AZIN2: variants seen among roughly 807,000 people sequenced by gnomAD.
The protein encoded by AZIN2 is antizyme inhibitor 2.
A neutral mutation model predicts 47.8 loss-of-function variants in AZIN2; 28 were observed. That is an observed-to-expected ratio of 0.59 (90% CI 0.43 to 0.80). AZIN2 has a LOEUF of 0.80. AZIN2 is among the 30% of genes least tolerant of loss of function. The pLI is 0.00. For missense variants in AZIN2, 535 were observed against 582.5 expected (o/e 0.92, Z 0.84); for synonymous variants, 221 against 239.4 (o/e 0.92, Z 0.71).
At chr1:33,093,104 A>T in intron 6 of AZIN2, 178 bp from the exon 7 acceptor site, 1 of 756,574 alleles carries the variant, frequency 1.3e-6, no homozygotes, top group Non-Finnish European at 2.1e-6. Flanking sequence ...AGGGACATTT[A>T]GAGAATGGAT....
chr1:33,120,142 T>C lies in AZIN2; in HGVS notation c.1343T>C (p.Leu448Pro). The C allele has an allele frequency of 6.2e-7, 1 of 1,613,660 alleles. No homozygotes were observed. Among genetic ancestry groups the C allele is most frequent in the Non-Finnish European group, 8.5e-7 (1 of 1,179,638 alleles). Reference sequence around the variant, plus strand: ...TGCGGCTGGGAGATCACAGACACCCTGTGCGTGGGCCCTGTCTTCACCCCA... The same window carrying C: ...TGCGGCTGGGAGATCACAGACACCCCGTGCGTGGGCCCTGTCTTCACCCCA... ...LSCGWEITDT[L>P]CVGPVFTPAS... Residue 448 changes from leucine to proline, a missense_variant, in exon 12 of 12, where the codon CTG (leucine) becomes CCG (proline). By Grantham distance (98) the Leu-to-Pro change is moderately conservative (BLOSUM62 -3). This residue lies in a region of AZIN2 where 122 missense variants were observed against 135.8 expected (regional missense o/e 0.90). Coordinates refer to ENST00000294517, the MANE Select transcript of AZIN2 (RefSeq NM_052998.4).
rs749390835 is a variant in AZIN2, at chr1:33,113,850, C to T, written c.1030-4052C>T. On this transcript the variant is annotated intron_variant, in intron 10 of 11. Transcript: ENST00000294517. This position sits in a 1 kb window ranked among gnomAD's most constrained non-coding sequence, Gnocchi z 4.1. ...TAGTTTTAATAAAGAATAGATGCTACGGGCTACTTCATGGTATGTTGACAT... is the reference window on the plus strand; with the variant it reads ...TAGTTTTAATAAAGAATAGATGCTATGGGCTACTTCATGGTATGTTGACAT... Among the ~76,000 whole-genome samples the T allele has an allele frequency of 9.9e-5, 15 of 152,134 alleles. No homozygotes were observed. The highest frequency in any genetic ancestry group is 2.4e-4 in the African/African-American group (10 of 41,438).
At chr1:33,165,177 G>A in the AZIN2 span, 3 of 293,660 alleles carry the variant, frequency 1.0e-5, no homozygotes, top group Non-Finnish European at 1.9e-5. The surrounding 1 kb of genome is among the most constrained non-coding windows in gnomAD (Gnocchi z 4.0). Flanking sequence ...GGAGGGTCCC[G>A]GGACCCGCCT....
At chr1:33,092,301 G>A in intron 6 of AZIN2, 79 bp downstream of exon 6, 1 of 1,481,746 alleles carries the variant, frequency 6.7e-7, no homozygotes. Context: ...GGGGAGGCTG[G>A]GCTGTGGGGA....
chr1:33,136,824 C>T, the AZIN2 span, among the ~76,000 whole-genome samples: 1 of 151,678 alleles, frequency 6.6e-6, no homozygotes, highest in African/African-American at 2.4e-5. Flanking sequence ...TGGTGAAACC[C>T]TGTCTCTACT....
chr1:33,136,304 C>T, the AZIN2 span, among the ~76,000 whole-genome samples: 72 of 127,998 alleles, frequency 5.6e-4, 1 homozygote, highest in Non-Finnish European at 8.0e-4. Context: ...CTTTCTTTTT[C>T]TTTCTTTCTT....
intron 11 of AZIN2, 75 bp from the exon 12 acceptor site, chr1:33,119,969 T>G (rs1570239914): frequency 6.3e-7 from 1 of 1,595,290 alleles, no homozygotes; most frequent in Non-Finnish European, 8.5e-7. Flanking sequence ...CTCTGCCCAA[T>G]GGGGCTGCGT....
chr1:33,147,784 A>G, the AZIN2 span: 2 of 1,555,552 alleles, frequency 1.3e-6, no homozygotes, highest in South Asian at 2.4e-5. The surrounding 1 kb of genome is among the most constrained non-coding windows in gnomAD (Gnocchi z 8.1). Context: ...TGGACCCACC[A>G]TGCAGTGCCT....
At chr1:33,139,054 G>A in the AZIN2 span, among the ~76,000 whole-genome samples, 17 of 152,336 alleles carry the variant, frequency 1.1e-4, no homozygotes, top group South Asian at 3.5e-3. Flanking sequence ...TGGGACTGGG[G>A]AAGAAGGAGA....
At chr1:33,136,201 C>T in the AZIN2 span, among the ~76,000 whole-genome samples, 2 of 144,370 alleles carry the variant, frequency 1.4e-5, no homozygotes, top group Admixed American at 7.0e-5. Flanking sequence ...CCTCCATTCT[C>T]CCTTTCTCCC....
chr1:33,092,332 G>A (rs1642647019), intron 6 of AZIN2, 110 bp downstream of exon 6: 1 of 957,328 alleles, frequency 1.0e-6, no homozygotes, highest in South Asian at 2.1e-5. Context: ...AGGGAAGGCT[G>A]GGCTTCAGAG....
chr1:33,098,233 C>T, intron 10 of AZIN2, 54 bp downstream of exon 10: 4 of 1,294,152 alleles, frequency 3.1e-6, no homozygotes, highest in African/African-American at 1.5e-5. Flanking sequence ...ATTTCAATAA[C>T]ATTTGTTGTG....
the AZIN2 span, chr1:33,147,457 C>T: frequency 6.2e-7 from 1 of 1,614,020 alleles, no homozygotes; most frequent in Non-Finnish European, 8.5e-7. The surrounding 1 kb of genome is among the most constrained non-coding windows in gnomAD (Gnocchi z 8.1). Context: ...GAAGCCGCGG[C>T]TGGGCTGGAT....
At chr1:33,088,601 C>T (rs1466052840) in intron 5 of AZIN2, among the ~76,000 whole-genome samples, 3 of 152,228 alleles carry the variant, frequency 2.0e-5, no homozygotes, top group Admixed American at 6.5e-5. Context: ...CTCTGCCCCT[C>T]TCCCTCTGAC....
Position 33,096,824 on chromosome 1 carries a change from A to G in AZIN2, c.871A>G (p.Ile291Val), listed in dbSNP as rs1156699702. The stretch of plus-strand genomic sequence containing the variant: ...CTCGGCCTTCACTGTGGCAGTCAGC[A>G]TCATTGCCAAGAAGGAGGTTCTGCT... ...VTSAFTVAVS[I>V]IAKKEVLLDQ... Residue 291 changes from isoleucine (I) to valine (V), a missense_variant, in exon 9 of 12, where the codon ATC becomes GTC. Coordinates refer to ENST00000294517, the MANE Select transcript of AZIN2 (RefSeq NM_052998.4). 2 of 1,614,210 alleles carry G rather than the reference A, an allele frequency of 1.2e-6. No individual in the cohort carries two copies. Among genetic ancestry groups the G allele is most frequent in the African/African-American group, 1.3e-5 (1 of 75,036 alleles).
Position 33,082,462 on chromosome 1 carries a change from G to A in AZIN2, c.105+108G>A, listed in dbSNP as rs558070411. Reference sequence around the variant, plus strand: ...TCTTATCCTTTCGCTTATTTGGTACGCAATCCTTGCTATTTGCAAGAGAGG... The same window carrying A: ...TCTTATCCTTTCGCTTATTTGGTACACAATCCTTGCTATTTGCAAGAGAGG... On this transcript the variant is annotated intron_variant, in intron 4 of 11. Transcript: ENST00000294517. 5.6e-5 allele frequency: 41 copies of A among 734,610 alleles called. No individual in the cohort carries two copies. In the South Asian group the frequency reaches 6.7e-4, roughly 12 times the overall value. The allele number at this position is 734,610 out of a possible 1,614,324, so 45.5% of individuals were successfully genotyped here. A position where few individuals can be genotyped will look rare whatever the true frequency, so the allele number is the denominator to read the frequency against.
intron 10 of AZIN2, among the ~76,000 whole-genome samples, chr1:33,099,821 G>A (rs1643522296): frequency 6.6e-6 from 1 of 152,236 alleles, no homozygotes; most frequent in Non-Finnish European, 1.5e-5. Flanking sequence ...CAGCCTGGCG[G>A]TGGAATAAGA....
At chr1:33,100,225 G>T (rs1357572924) in intron 10 of AZIN2, among the ~76,000 whole-genome samples, 10 of 151,880 alleles carry the variant, frequency 6.6e-5, no homozygotes. Flanking sequence ...GGAGGCTAAG[G>T]CAGGAGAGTA....
At chr1:33,150,326 G>A in the AZIN2 span, among the ~76,000 whole-genome samples, 3 of 152,218 alleles carry the variant, frequency 2.0e-5, no homozygotes, top group South Asian at 2.1e-4. Flanking sequence ...TGGCTGCACT[G>A]ATGTGCAGAA....
Sources: gnomAD v4.1 joint callset for allele counts (sites outside exome capture counted in the v4.1 genomes callset) on GRCh38, gnomAD v4.1.1 for gene constraint, gnomAD v4.1.1 regional missense constraint, Gnocchi (gnomAD v3.1) non-coding constraint, MANE v1.5 for transcripts, NCBI Gene and HGNC (gene_info 2026-07-23, HGNC 2026-07-21) for gene names.